PRKG1: variants seen among roughly 807,000 people sequenced by gnomAD.
PRKG1 encodes protein kinase cGMP-dependent 1.
Under a neutral mutation model 88.1 loss-of-function variants are expected in PRKG1, and 35 were observed. The ratio of observed to expected loss-of-function variants is 0.40; its 90% CI spans 0.30 to 0.53. The LOEUF is 0.53. PRKG1 is among the 20% of genes least tolerant of loss of function. The probability of loss-of-function intolerance (pLI) is 0.59; values close to 1 mark genes in which losing one functional copy is unlikely to be tolerated. For synonymous variants in PRKG1, 303 were observed against 292.5 expected, an observed-to-expected ratio of 1.04 and a Z score of -0.37; for missense variants, 540 against 839.8, an observed-to-expected ratio of 0.64 and a Z score of 4.41.
intron 2 of PRKG1, among the ~76,000 whole-genome samples, chr10:51,330,452 C>G (rs1185163158): frequency 2.0e-5 from 3 of 152,036 alleles, no homozygotes; most frequent in African/African-American, 4.8e-5. Context: ...CACCCGGCCA[C>G]GTTCTCTCTT....
chr10:51,070,960 C>T (rs1004996458), upstream of PRKG1, among the ~76,000 whole-genome samples: 1 of 152,214 alleles, frequency 6.6e-6, no homozygotes, highest in Non-Finnish European at 1.5e-5. Flanking sequence ...GTCAAAGCTT[C>T]ATCTCAGATA....
intron 2 of PRKG1, among the ~76,000 whole-genome samples, chr10:51,312,542 C>T (rs1448699642): frequency 1.3e-5 from 2 of 152,092 alleles, no homozygotes; most frequent in Non-Finnish European, 2.9e-5. Flanking sequence ...TGAGGTATAA[C>T]ATTTCATGCC....
intron 14 of PRKG1, among the ~76,000 whole-genome samples, chr10:52,285,964 C>G (rs183114340): frequency 3.0e-4 from 46 of 152,000 alleles, no homozygotes; most frequent in African/African-American, 1.1e-3. Context: ...AAATAGAAAA[C>G]ACATCAATTA....
chr10:52,022,620 T>A (rs1845214729), intron 5 of PRKG1, among the ~76,000 whole-genome samples: 1 of 152,152 alleles, frequency 6.6e-6, no homozygotes. Context: ...TGAAAGAATA[T>A]CTGAACATAC....
chr10:51,389,808 A>C (rs1035837623), intron 2 of PRKG1, among the ~76,000 whole-genome samples: 1 of 152,184 alleles, frequency 6.6e-6, no homozygotes, highest in Admixed American at 6.5e-5. Context: ...GAACTAAGAA[A>C]TGTCACTTTC....
chr10:52,122,658 T>A (rs950888810), intron 7 of PRKG1, among the ~76,000 whole-genome samples: 6 of 152,232 alleles, frequency 3.9e-5, no homozygotes, highest in African/African-American at 1.4e-4. Flanking sequence ...TTTAAATTTG[T>A]AAGGCTTTGC....
intron 8 of PRKG1, among the ~76,000 whole-genome samples, chr10:52,152,006 T>C (rs143473662): frequency 1.4e-3 from 213 of 152,332 alleles, no homozygotes; most frequent in African/African-American, 4.9e-3. Flanking sequence ...TACCCGTATT[T>C]ATACCAATGT....
chr10:52,054,073 C>T (rs1846051582), intron 5 of PRKG1, among the ~76,000 whole-genome samples: 1 of 151,922 alleles, frequency 6.6e-6, no homozygotes, highest in Admixed American at 6.6e-5. Context: ...TTGTTTTATG[C>T]TCAGTTGATG....
intron 3 of PRKG1, among the ~76,000 whole-genome samples, chr10:51,570,567 G>A (rs1837726453): frequency 6.6e-6 from 1 of 151,644 alleles, no homozygotes; most frequent in South Asian, 2.1e-4. Flanking sequence ...TCAAACCTAG[G>A]TGTTTTCAAA....
intron 2 of PRKG1, among the ~76,000 whole-genome samples, chr10:51,293,836 C>T (rs1840646994): frequency 6.6e-6 from 1 of 152,160 alleles, no homozygotes; most frequent in Admixed American, 6.5e-5. Context: ...TTCCCACCAA[C>T]AAAAGTTCCA....
chr10:51,620,977 A>G (rs1201710918), intron 3 of PRKG1, among the ~76,000 whole-genome samples: 2 of 125,118 alleles, frequency 1.6e-5, no homozygotes, highest in African/African-American at 5.5e-5. Flanking sequence ...CTGATTCCGT[A>G]TATGTATGTG....
intron 5 of PRKG1, among the ~76,000 whole-genome samples, chr10:51,993,482 T>C (rs2133132780): frequency 6.6e-6 from 1 of 152,288 alleles, no homozygotes; most frequent in South Asian, 2.1e-4. Context: ...TACAATCCTA[T>C]GAGTAGGATT....
At chr10:51,238,843 C>G (rs2132121428) in intron 2 of PRKG1, among the ~76,000 whole-genome samples, 1 of 150,948 alleles carries the variant, frequency 6.6e-6, no homozygotes. Context: ...TGTGAAAATT[C>G]TAGAATATAG....
chr10:52,195,037 G>A (rs1473321906), intron 9 of PRKG1, among the ~76,000 whole-genome samples: 1 of 152,160 alleles, frequency 6.6e-6, no homozygotes, highest in Non-Finnish European at 1.5e-5. Flanking sequence ...AAATGCCTGA[G>A]AGATATTTTA....
At chr10:51,722,961 G>GT (rs1404249345) in intron 3 of PRKG1, among the ~76,000 whole-genome samples, 1 of 152,088 alleles carries the variant, frequency 6.6e-6, no homozygotes. Flanking sequence ...CCAAATGAAC[G>GT]TGTTCTCTGT....
intron 3 of PRKG1, among the ~76,000 whole-genome samples, chr10:51,669,337 C>T (rs1249663856): frequency 6.6e-6 from 1 of 152,122 alleles, no homozygotes; most frequent in African/African-American, 2.4e-5. Flanking sequence ...TCTCTTTCTT[C>T]TTATAAGGAC....
intron 3 of PRKG1, among the ~76,000 whole-genome samples, chr10:51,608,226 A>G (rs1326268485): frequency 1.3e-5 from 2 of 152,220 alleles, no homozygotes; most frequent in Non-Finnish European, 2.9e-5. Flanking sequence ...ATGGGAAGTC[A>G]GTACACCAAG....
At position 52,296,857 on chromosome 10, in the gene PRKG1, A is replaced by G. The variant is rs1322624095; in HGVS notation, c.*2957A>G. 6.6e-6 allele frequency: 1 copy of G among 152,120 alleles called. No individual in the cohort carries two copies. The highest frequency in any genetic ancestry group is 1.5e-5 in the Non-Finnish European group (1 of 67,964). The allele number at this position is 152,120 out of a possible 1,614,324, so 9.4% of individuals were successfully genotyped here. ...ATGAATCAGATCCATGTGGCATTCA[A>G]AACAAATTTATTTTGGTTATATTCT... On this transcript the variant is annotated 3_prime_UTR_variant, in exon 18 of 18. Transcript: ENST00000373980.
Position 51,734,367 on chromosome 10 carries a change from T to A in PRKG1, c.593-70218T>A, listed in dbSNP as rs542129808. The stretch of plus-strand genomic sequence containing the variant: ...ATTGTACACTGAAATTATCTACAGA[T>A]CTTCCTCTTTTAAACTGTGAATTAA... On this transcript the variant is annotated intron_variant, in intron 3 of 17. Coordinates refer to ENST00000373980, the MANE Select transcript of PRKG1 (RefSeq NM_006258.4). Among the ~76,000 whole-genome samples the A allele has an allele frequency of 7.2e-5, 11 of 152,352 alleles. No individual in the cohort carries two copies. In the East Asian group the frequency reaches 1.3e-3, roughly 19 times the overall value.
Sources: gnomAD v4.1 joint callset for allele counts (sites outside exome capture counted in the v4.1 genomes callset) on GRCh38, gnomAD v4.1.1 for gene constraint, MANE v1.5 for transcripts, NCBI Gene and HGNC (gene_info 2026-07-23, HGNC 2026-07-21) for gene names.